The following ZEB2 variants were observed in gnomAD, a reference collection of about 807,000 sequenced individuals.
The protein encoded by ZEB2 is zinc finger E-box binding homeobox 2.
A neutral mutation model predicts 99.9 loss-of-function variants in ZEB2; 6 were observed. That is an observed-to-expected ratio of 0.06 (90% CI 0.03 to 0.12). ZEB2 has a LOEUF of 0.12. Ranked by LOEUF, ZEB2 falls within the 10% of genes least tolerant of loss-of-function variation. The pLI, the probability that ZEB2 is intolerant of heterozygous loss-of-function variation, is 1.00. For synonymous variants in ZEB2, 517 were observed against 542.5 expected (o/e 0.95, Z 0.65); for missense variants, 969 against 1,502.8 (o/e 0.64, Z 5.87).
intron 5 of ZEB2, among the ~76,000 whole-genome samples, chr2:144,404,521 G>A (rs1703357545): frequency 6.6e-6 from 1 of 151,776 alleles, no homozygotes; most frequent in Non-Finnish European, 1.5e-5. Flanking sequence ...AAAAGGTGAG[G>A]GAGTGTCGGT....
chr2:144,517,706 G>C (rs1248278161), intron 1 of ZEB2: 3 of 702,718 alleles, frequency 4.3e-6, no homozygotes, highest in Non-Finnish European at 7.8e-6. Context: ...GAATGCACAC[G>C]GCGGTACAGT....
intron 4 of ZEB2, among the ~76,000 whole-genome samples, chr2:144,405,853 A>G (rs923199645): frequency 1.3e-5 from 2 of 152,256 alleles, no homozygotes; most frequent in African/African-American, 4.8e-5. Flanking sequence ...CTTGTGTCAT[A>G]AGATTTTGTA....
chr2:144,400,894 C>T (rs1236030344), intron 7 of ZEB2, among the ~76,000 whole-genome samples: 3 of 152,038 alleles, frequency 2.0e-5, no homozygotes, highest in Non-Finnish European at 2.9e-5. Flanking sequence ...GTTGAGTTTC[C>T]TCAGGTCAGA....
At chr2:144,392,808 G>C (rs1236518446) in intron 9 of ZEB2, among the ~76,000 whole-genome samples, 1 of 152,148 alleles carries the variant, frequency 6.6e-6, no homozygotes, top group Non-Finnish European at 1.5e-5. Flanking sequence ...GATACTGAGT[G>C]AATCAAGCTT....
Position 144,460,618 on chromosome 2 carries a change from C to T in ZEB2, c.74-30592G>A, listed in dbSNP as rs539916965. On this transcript the variant is annotated intron_variant, in intron 2 of 9. Transcript: ENST00000627532. ...CATCTTAAGTGTAACACTGAGAGCA[C>T]TGTTTTTTTTTAAGGAAAAAGAAAC... 8.5e-5 allele frequency among the ~76,000 whole-genome samples: 13 copies of T among 152,178 alleles called. No homozygotes were observed. The South Asian group carries it at 2.7e-3, about 32-fold the overall frequency.
chr2:144,427,294 T>A (rs903298418), intron 3 of ZEB2: 3 of 152,200 alleles, frequency 2.0e-5, no homozygotes, highest in African/African-American at 7.2e-5. Context: ...TCAAGGACAA[T>A]TCCAAACACA....
intron 4 of ZEB2, among the ~76,000 whole-genome samples, chr2:144,409,897 C>T (rs575123770): frequency 4.0e-4 from 61 of 150,738 alleles, no homozygotes; most frequent in Middle Eastern, 6.8e-3. Flanking sequence ...CTCAAAAAAA[C>T]CAAAAAAAAG....
At chr2:144,432,638 G>T (rs558488167) in intron 2 of ZEB2, among the ~76,000 whole-genome samples, 6 of 152,082 alleles carry the variant, frequency 3.9e-5, no homozygotes, top group Non-Finnish European at 8.8e-5. Context: ...CAGTGGATTT[G>T]CCTAGTACAA....
At position 144,385,738 on chromosome 2, in the gene ZEB2, G is replaced by A. The variant is rs897057663; in HGVS notation, c.*3713C>T. The A allele has an allele frequency of 1.3e-5, 2 of 152,154 alleles. No individual in the cohort carries two copies. 9.4% of individuals were successfully genotyped at this position (152,154 alleles called of 1,614,324 possible). ...TAACAATTTTTCAGTTCAAATACAT[G>A]TAAACTTATTATTGGGCAGTCTCCT... On this transcript the variant is annotated 3_prime_UTR_variant, in exon 10 of 10. Transcript: ENST00000627532.
Position 144,386,123 on chromosome 2 carries a change from CCA to C in ZEB2, c.*3326_*3327del, listed in dbSNP as rs763457693. 5.9e-5 allele frequency: 9 copies of C among 152,070 alleles called. No homozygotes were observed. Among genetic ancestry groups the C allele is most frequent in the Non-Finnish European group, 1.2e-4 (8 of 68,004 alleles). 9.4% of individuals were successfully genotyped at this position (152,070 alleles called of 1,614,324 possible). On this transcript the variant is annotated 3_prime_UTR_variant, in exon 10 of 10. Transcript: ENST00000627532. ...AAATGGGCAGGGGTGTTCAGTTGTTCCAGTGTTTCCTCATCCTCCCCTGCCCC... is the reference window on the plus strand; with the variant it reads ...AAATGGGCAGGGGTGTTCAGTTGTTCGTGTTTCCTCATCCTCCCCTGCCCC...
chr2:144,482,761 T>TC (rs35516164), intron 2 of ZEB2, among the ~76,000 whole-genome samples: 73 of 152,046 alleles, frequency 4.8e-4, no homozygotes, highest in East Asian at 3.9e-3. Flanking sequence ...CTTTTTTTTT[T>TC]CAACGGTTCT....
chr2:144,401,969 A>G (rs1417176788), intron 6 of ZEB2, among the ~76,000 whole-genome samples: 1 of 152,238 alleles, frequency 6.6e-6, no homozygotes, highest in East Asian at 1.9e-4. Context: ...GATTTGATTC[A>G]TTATCAAACG....
At chr2:144,458,994 A>C (rs1573768304) in intron 2 of ZEB2, among the ~76,000 whole-genome samples, 1 of 152,314 alleles carries the variant, frequency 6.6e-6, no homozygotes, top group South Asian at 2.1e-4. Context: ...GTGAGGTGAA[A>C]CGTCTGCTTG....
intron 2 of ZEB2, chr2:144,461,276 C>G (rs1165931980): frequency 2.0e-5 from 3 of 152,132 alleles, no homozygotes; most frequent in Non-Finnish European, 4.4e-5. Context: ...CATGTTCTAA[C>G]AAACTCATAA....
chr2:144,511,293 A>G (rs1705034311), intron 2 of ZEB2: 1 of 757,364 alleles, frequency 1.3e-6, no homozygotes, highest in Non-Finnish European at 1.7e-6. Context: ...GCCAAAAGAT[A>G]CACGCATGGA....
intron 2 of ZEB2, among the ~76,000 whole-genome samples, chr2:144,506,127 G>A (rs974968192): frequency 6.6e-6 from 1 of 152,146 alleles, no homozygotes; most frequent in Non-Finnish European, 1.5e-5. Context: ...ATGTGGCATA[G>A]GGAACACATT....
rs796747792 is a variant in ZEB2, at chr2:144,497,917, T to A, written c.73+19361A>T. On this transcript the variant is annotated intron_variant, in intron 2 of 9. Transcript: ENST00000627532. ...TATGTCATTCTCAACATATATATTA[T>A]ATATTATATAATATATATTAATATT... is the stretch of plus-strand genomic sequence containing the variant. 5.4e-5 allele frequency among the ~76,000 whole-genome samples: 3 copies of A among 56,056 alleles called. No individual in the cohort carries two copies. In the South Asian group the frequency reaches 1.6e-3, roughly 29 times the overall value. The allele number at this position is 56,056 out of a possible 152,430, so 36.8% of individuals were successfully genotyped here. A position where few individuals can be genotyped will look rare whatever the true frequency, so the allele number is the denominator to read the frequency against.
chr2:144,408,106 G>A (rs1703411830), intron 4 of ZEB2, among the ~76,000 whole-genome samples: 1 of 152,140 alleles, frequency 6.6e-6, no homozygotes. Flanking sequence ...GGCTATGCTA[G>A]ATTTCTATGT....
chr2:144,500,246 A>G (rs1299815546), intron 2 of ZEB2, among the ~76,000 whole-genome samples: 3 of 152,214 alleles, frequency 2.0e-5, no homozygotes, highest in Non-Finnish European at 4.4e-5. Context: ...GCGCGACCGC[A>G]TTTAATCACA....
Sources: allele counts gnomAD v4.1 joint callset (sites outside exome capture counted in the v4.1 genomes callset), GRCh38; gene constraint gnomAD v4.1.1; transcripts MANE v1.5; gene names NCBI Gene and HGNC (gene_info 2026-07-23, HGNC 2026-07-21).